PTPRN2: variants seen among roughly 807,000 people sequenced by gnomAD.
PTPRN2 encodes the protein receptor-type tyrosine-protein phosphatase N2.
A neutral mutation model predicts 118.8 loss-of-function variants in PTPRN2; 74 were observed. The observed-to-expected ratio is 0.62, with a 90% CI of 0.52 to 0.76. PTPRN2 has a LOEUF of 0.76. PTPRN2 is among the 30% of genes least tolerant of loss of function. The probability of loss-of-function intolerance (pLI) is 0.00; values close to 1 mark genes in which losing one functional copy is unlikely to be tolerated. For synonymous variants in PTPRN2, 641 were observed against 608.0 expected (o/e 1.05, Z -0.80); for missense variants, 1,481 against 1,394.4 (o/e 1.06, Z -0.99).
chr7:158,121,031 T>C (rs113414947), intron 9 of PTPRN2, among the ~76,000 whole-genome samples: 2,630 of 152,248 alleles, frequency 0.017, 93 homozygotes, highest in African/African-American at 0.059. Context: ...TGCTTCCAGA[T>C]GAGCCCTTCC....
intron 1 of PTPRN2, among the ~76,000 whole-genome samples, chr7:158,511,565 T>C (rs1450192822): frequency 6.6e-6 from 1 of 152,234 alleles, no homozygotes. Context: ...TCTGTAGACA[T>C]GCTCTGTGCC....
chr7:158,126,866 T>C (rs1817729850), intron 9 of PTPRN2, among the ~76,000 whole-genome samples: 1 of 152,126 alleles, frequency 6.6e-6, no homozygotes, highest in African/African-American at 2.4e-5. Context: ...AGACTTCTGG[T>C]TCCAAAGTTC....
At chr7:158,012,141 C>T (rs867487351) in intron 11 of PTPRN2, among the ~76,000 whole-genome samples, 2 of 152,188 alleles carry the variant, frequency 1.3e-5, no homozygotes, top group Admixed American at 6.5e-5. Context: ...GAGAGTCCCA[C>T]GTGTTGGGGG....
chr7:158,149,115 C>G (rs1820594067), intron 6 of PTPRN2, among the ~76,000 whole-genome samples: 2 of 151,062 alleles, frequency 1.3e-5, no homozygotes, highest in Admixed American at 1.3e-4. Context: ...CGTCTTTCCC[C>G]CTCAATGACA....
intron 1 of PTPRN2, among the ~76,000 whole-genome samples, chr7:158,507,092 G>T (rs114560222): frequency 1.3e-5 from 2 of 152,238 alleles, no homozygotes; most frequent in Admixed American, 1.3e-4. Flanking sequence ...GCAGGGAGAG[G>T]GGTGGGTAAG....
At position 158,238,167 on chromosome 7, in the gene PTPRN2, A is replaced by G. The variant is rs138430699; in HGVS notation, c.278-32894T>C. Among the ~76,000 whole-genome samples the G allele has an allele frequency of 1.1e-3, 166 of 152,100 alleles. 1 individual carries two copies. Among genetic ancestry groups the G allele is most frequent in the African/African-American group, 3.9e-3 (161 of 41,506 alleles). On this transcript the variant is annotated intron_variant, in intron 3 of 22. Transcript: ENST00000389418. ...CGTGTCCGGCTCTGATTGGAAAAGG[A>G]CGCCCTGGGCTTGGCTGGGAGGAAA...
chr7:157,951,399 C>T (rs539889662), intron 11 of PTPRN2, among the ~76,000 whole-genome samples: 15 of 152,310 alleles, frequency 9.8e-5, no homozygotes, highest in African/African-American at 1.9e-4. Flanking sequence ...CTGGGAACAG[C>T]GCCCGGTGCA....
intron 2 of PTPRN2, among the ~76,000 whole-genome samples, chr7:158,443,255 C>T (rs565009439): frequency 2.2e-4 from 33 of 152,308 alleles, no homozygotes; most frequent in African/African-American, 7.2e-4. Context: ...CAGCGGCTCC[C>T]GCGGCTCCAG....
chr7:158,071,499 C>CTGGTGGAGATGCTCGTGG lies in PTPRN2; in HGVS notation c.1723+9781_1723+9798dup, dbSNP rs1257889541. Among the ~76,000 whole-genome samples, 2 of 110,710 alleles carry CTGGTGGAGATGCTCGTGG rather than the reference C, an allele frequency of 1.8e-5. 1 individual carries two copies. The highest frequency in any genetic ancestry group is 3.5e-5 in the Non-Finnish European group (2 of 57,108). 72.6% of individuals were successfully genotyped at this position (110,710 alleles called of 152,430 possible). On this transcript the variant is annotated intron_variant, in intron 11 of 22. Transcript: ENST00000389418. ...GGAGGTTCTCATGGTGCAGGTGCTC[C>CTGGTGGAGATGCTCGTGG]TGGTGGAGATGCTCGTGGTGGTGGA...
rs186258841 is a variant in PTPRN2 at position 158,214,622 on chromosome 7, C to A, written c.278-9349G>T. ...TTTCATGAGGCTGTAATAAGGCCTC[C>A]CCTCAGGCCTACCAGGTAGTGTCAG... On this transcript the variant is annotated intron_variant, in intron 3 of 22. Transcript: ENST00000389418. 7.9e-4 allele frequency among the ~76,000 whole-genome samples: 121 copies of A among 152,252 alleles called. 1 individual carries two copies. The Middle Eastern group carries it at 0.02, about 26-fold the overall frequency.
rs535378851 is a variant in PTPRN2, at chr7:158,113,866, A to C, written c.1557-2951T>G. On this transcript the variant is annotated intron_variant, in intron 9 of 22. Transcript: ENST00000389418. ...GTAGCAATCCGGGACCAGCTGGGGCACAGGCCGCCTTCCACTCAGGGAGGA... is the reference window on the plus strand; with the variant it reads ...GTAGCAATCCGGGACCAGCTGGGGCCCAGGCCGCCTTCCACTCAGGGAGGA... Among the ~76,000 whole-genome samples the C allele has an allele frequency of 2.6e-5, 4 of 152,248 alleles. No individual in the cohort carries two copies. The East Asian group carries it at 5.8e-4, about 22-fold the overall frequency.
chr7:158,034,687 G>T (rs1410703111), intron 11 of PTPRN2, among the ~76,000 whole-genome samples: 3 of 152,230 alleles, frequency 2.0e-5, no homozygotes, highest in Non-Finnish European at 4.4e-5. Context: ...GCTAGGCCAA[G>T]ATCTGGAAAT....
intron 10 of PTPRN2, among the ~76,000 whole-genome samples, chr7:158,096,898 G>C (rs970415835): frequency 6.6e-6 from 1 of 152,194 alleles, no homozygotes; most frequent in African/African-American, 2.4e-5. Context: ...TTCTCACTGC[G>C]GGGGCTCTTG....
chr7:157,809,406 G>C (rs368707472), intron 12 of PTPRN2, among the ~76,000 whole-genome samples: 3 of 152,152 alleles, frequency 2.0e-5, no homozygotes, highest in Non-Finnish European at 4.4e-5. Context: ...AAGGAGCCCC[G>C]CGCCACCCCC....
rs1178303974 is a variant in PTPRN2 at position 157,787,061 on chromosome 7, G to A, written c.1789-104124C>T. On this transcript the variant is annotated intron_variant, in intron 12 of 22. Transcript: ENST00000389418. The surrounding 1 kb of genome is among the most constrained non-coding windows in gnomAD (Gnocchi z 5.3). ...ACGCGGGGGTGGCTGCCCGGGAGGC[G>A]GACGCGGGTGCGGCGGGGGACGCGG... Among the ~76,000 whole-genome samples the A allele has an allele frequency of 4.1e-5, 6 of 145,224 alleles. No individual in the cohort carries two copies. The highest frequency in any genetic ancestry group is 2.1e-4 in the South Asian group (1 of 4,672).
intron 2 of PTPRN2, among the ~76,000 whole-genome samples, chr7:158,470,860 G>T (rs556624312): frequency 1.3e-5 from 2 of 151,260 alleles, no homozygotes; most frequent in South Asian, 4.2e-4. Flanking sequence ...TTTAGATGAG[G>T]TCTTGCTCTG....
At chr7:157,734,473 T>C (rs1800186693) in intron 12 of PTPRN2, among the ~76,000 whole-genome samples, 1 of 152,246 alleles carries the variant, frequency 6.6e-6, no homozygotes, top group Non-Finnish European at 1.5e-5. Flanking sequence ...TTGAATATAA[T>C]GAGTCTACCT....
At chr7:158,008,883 A>C (rs1805848583) in intron 11 of PTPRN2, among the ~76,000 whole-genome samples, 1 of 152,224 alleles carries the variant, frequency 6.6e-6, no homozygotes, top group African/African-American at 2.4e-5. Flanking sequence ...AAATGTGGTG[A>C]GTAAATGTTT....
intron 1 of PTPRN2, among the ~76,000 whole-genome samples, chr7:158,564,759 G>A (rs1157334634): frequency 6.6e-6 from 1 of 152,260 alleles, no homozygotes; most frequent in African/African-American, 2.4e-5. Flanking sequence ...CCAGTGGTAA[G>A]GCCAGAGGGC....
Sources: gnomAD v4.1 joint callset for allele counts (sites outside exome capture counted in the v4.1 genomes callset) on GRCh38, gnomAD v4.1.1 for gene constraint, Gnocchi (gnomAD v3.1) non-coding constraint, MANE v1.5 for transcripts, NCBI Gene and HGNC (gene_info 2026-07-23, HGNC 2026-07-21) for gene names.